Variants in PLCB1 observed in about 807,000 individuals in gnomAD.
The protein encoded by PLCB1 is 1-phosphatidylinositol 4,5-bisphosphate phosphodiesterase beta-1.
In PLCB1, 46 loss-of-function variants were observed where a neutral mutation model predicts 161.8. That is an observed-to-expected ratio of 0.28 (90% CI 0.22 to 0.36). PLCB1 has a LOEUF of 0.36. Among genes scored for constraint, PLCB1 ranks in the 10% least tolerant of loss-of-function variants. The pLI is 1.00. For missense variants in PLCB1, 1,016 were observed against 1,472.5 expected, an observed-to-expected ratio of 0.69 and a Z score of 5.07; for synonymous variants, 517 against 503.7, an observed-to-expected ratio of 1.03 and a Z score of -0.35.
intron 2 of PLCB1, among the ~76,000 whole-genome samples, chr20:8,238,329 A>C (rs978766485): frequency 8.6e-5 from 13 of 152,040 alleles, no homozygotes; most frequent in Admixed American, 8.5e-4. Context: ...CTCATATAGG[A>C]GTCAGTTACC....
intron 3 of PLCB1, among the ~76,000 whole-genome samples, chr20:8,544,901 G>A (rs1417063294): frequency 6.6e-6 from 1 of 152,120 alleles, no homozygotes; most frequent in Non-Finnish European, 1.5e-5. Context: ...TAACAAAATT[G>A]AAAGTCACAG....
chr20:8,629,139 C>T (rs976881342), intron 4 of PLCB1, among the ~76,000 whole-genome samples: 2 of 152,090 alleles, frequency 1.3e-5, no homozygotes, highest in Admixed American at 6.5e-5. Flanking sequence ...CTTTAAACTT[C>T]TTAATCCCTG....
chr20:8,191,841 G>A (rs2051974065), intron 2 of PLCB1, among the ~76,000 whole-genome samples: 1 of 151,958 alleles, frequency 6.6e-6, no homozygotes, highest in Admixed American at 6.6e-5. Flanking sequence ...CAGGTGTCTT[G>A]TTTTTCCTAA....
intron 2 of PLCB1, among the ~76,000 whole-genome samples, chr20:8,344,974 A>T (rs1410794037): frequency 6.6e-6 from 1 of 152,222 alleles, no homozygotes; most frequent in Non-Finnish European, 1.5e-5. Flanking sequence ...TGTTTTCTTT[A>T]TGCAGCATAA....
chr20:8,141,228 A>G (rs1046870966), intron 1 of PLCB1, among the ~76,000 whole-genome samples: 1 of 152,162 alleles, frequency 6.6e-6, no homozygotes, highest in African/African-American at 2.4e-5. Context: ...TTTTTGAGCT[A>G]TTGTCTTCAA....
intron 2 of PLCB1, among the ~76,000 whole-genome samples, chr20:8,278,437 G>C: frequency 6.6e-6 from 1 of 150,622 alleles, no homozygotes; most frequent in Non-Finnish European, 1.5e-5. Context: ...TTAAGTATCT[G>C]TGATACATGT....
intron 3 of PLCB1, among the ~76,000 whole-genome samples, chr20:8,512,805 A>G (rs1165529322): frequency 2.0e-5 from 3 of 152,178 alleles, no homozygotes; most frequent in Non-Finnish European, 4.4e-5. Flanking sequence ...TGTGGTACAA[A>G]CATTTCAAAT....
At chr20:8,427,465 G>A (rs1033128704) in intron 3 of PLCB1, among the ~76,000 whole-genome samples, 2 of 152,182 alleles carry the variant, frequency 1.3e-5, no homozygotes, top group African/African-American at 4.8e-5. Flanking sequence ...TTTGCTGGGA[G>A]TTGCCTGGTG....
In PLCB1 at chr20:8,747,825, G is replaced by A. The variant is rs181782816; in HGVS notation, c.2523+6252G>A. Among the ~76,000 whole-genome samples, 1,432 of 151,960 alleles carry A rather than the reference G, an allele frequency of 9.4e-3. 11 individuals carry two copies. The highest frequency in any genetic ancestry group is 0.015 in the Non-Finnish European group (987 of 67,968). ...GTAAATATTTCCTAATTCAGTGTAT[G>A]GCCCCAATTTGATTATTTTAATAAT... On this transcript the variant is annotated intron_variant, in intron 23 of 31. Transcript: ENST00000338037.
chr20:8,478,146 C>T (rs546040990), intron 3 of PLCB1, among the ~76,000 whole-genome samples: 1 of 152,246 alleles, frequency 6.6e-6, no homozygotes, highest in East Asian at 1.9e-4. Flanking sequence ...GGCTGAAACT[C>T]AAGTAAAGGA....
chr20:8,818,733 G>A (rs1985192762), intron 31 of PLCB1, among the ~76,000 whole-genome samples: 1 of 152,026 alleles, frequency 6.6e-6, no homozygotes, highest in African/African-American at 2.4e-5. Flanking sequence ...AGAGCCAATA[G>A]CATAAAAATA....
At chr20:8,175,461 AAAT>A (rs1036806592) in intron 2 of PLCB1, among the ~76,000 whole-genome samples, 1 of 31,882 alleles carries the variant, frequency 3.1e-5, no homozygotes, top group African/African-American at 4.9e-4. Flanking sequence ...AAATAAGTAA[AAAT>A]AAAAAAAAAA....
chr20:8,225,934 G>A (rs891642379), intron 2 of PLCB1, among the ~76,000 whole-genome samples: 3 of 152,126 alleles, frequency 2.0e-5, no homozygotes, highest in African/African-American at 7.2e-5. Flanking sequence ...GTCTTTTCAC[G>A]TTTAAAACTT....
At chr20:8,455,346 A>G (rs1600413128) in intron 3 of PLCB1, among the ~76,000 whole-genome samples, 1 of 145,820 alleles carries the variant, frequency 6.9e-6, no homozygotes, top group East Asian at 2.0e-4. Context: ...AAAAAAAAAT[A>G]CTGGTCAATT....
At chr20:8,503,572 T>C (rs141604222) in intron 3 of PLCB1, among the ~76,000 whole-genome samples, 4 of 152,250 alleles carry the variant, frequency 2.6e-5, no homozygotes, top group Admixed American at 1.3e-4. Flanking sequence ...TATTAAACCC[T>C]ATACAGTCAT....
At chr20:8,138,224 A>C (rs1294289000) in intron 1 of PLCB1, among the ~76,000 whole-genome samples, 1 of 152,244 alleles carries the variant, frequency 6.6e-6, no homozygotes, top group Non-Finnish European at 1.5e-5. Flanking sequence ...TATTAGTTTC[A>C]TTTGAAAGTT....
chr20:8,853,820 C>T (rs901088303), intron 31 of PLCB1, among the ~76,000 whole-genome samples: 3 of 152,186 alleles, frequency 2.0e-5, no homozygotes, highest in African/African-American at 7.2e-5. Context: ...TCCACAGTCC[C>T]CTGTGCTGAG....
intron 24 of PLCB1, among the ~76,000 whole-genome samples, chr20:8,759,203 T>C (rs1019448727): frequency 6.6e-6 from 1 of 152,198 alleles, no homozygotes; most frequent in Non-Finnish European, 1.5e-5. Context: ...GTTGAGGGCA[T>C]GCATTTTGAC....
At chr20:8,569,907 C>G (rs1986451078) in intron 3 of PLCB1, among the ~76,000 whole-genome samples, 1 of 152,152 alleles carries the variant, frequency 6.6e-6, no homozygotes, top group South Asian at 2.1e-4. Context: ...AAATCCAACT[C>G]TCACTGGCTT....
Sources: gnomAD v4.1 joint callset for allele counts (sites outside exome capture counted in the v4.1 genomes callset) on GRCh38, gnomAD v4.1.1 for gene constraint, MANE v1.5 for transcripts, NCBI Gene and HGNC (gene_info 2026-07-23, HGNC 2026-07-21) for gene names.